SMC6: variants seen among roughly 807,000 people sequenced by gnomAD.
The protein encoded by SMC6 is structural maintenance of chromosomes 6, also known as structural maintenance of chromosomes protein 6.
Under a neutral mutation model 142.2 loss-of-function variants are expected in SMC6, and 79 were observed. The observed-to-expected ratio is 0.56, with a 90% confidence interval of 0.46 to 0.67. The LOEUF (loss-of-function observed/expected upper bound fraction) is 0.67. SMC6 is among the 30% of genes least tolerant of loss of function. SMC6 has a pLI of 0.00. For missense variants in SMC6, 1,072 were observed against 1,284.0 expected, an observed-to-expected ratio of 0.83 and a Z score of 2.52; for synonymous variants, 411 against 412.4, an observed-to-expected ratio of 1.00 and a Z score of 0.04.
At chr2:17,704,376 GGAC>G (rs762946529) in intron 18 of SMC6, among the ~76,000 whole-genome samples, 87 of 152,162 alleles carry the variant, frequency 5.7e-4, no homozygotes, top group Non-Finnish European at 9.1e-4. Flanking sequence ...GGGAAGAAGA[GGAC>G]GACAATAAGA....
intron 3 of SMC6, among the ~76,000 whole-genome samples, chr2:17,743,097 G>C (rs1007520669): frequency 6.6e-6 from 1 of 152,032 alleles, no homozygotes; most frequent in East Asian, 1.9e-4. Flanking sequence ...TCGGTAGTTC[G>C]CTCCTTTTTA....
At chr2:17,725,484 C>T (rs534965943) in intron 8 of SMC6, 126 bp from the exon 9 acceptor site, 170 of 581,300 alleles carry the variant, frequency 2.9e-4, no homozygotes, top group Admixed American at 1.9e-3. Flanking sequence ...ACATTAAAAA[C>T]GTAAGCAATC....
At chr2:17,678,266 T>C (rs1047358935) in intron 25 of SMC6, among the ~76,000 whole-genome samples, 1 of 152,162 alleles carries the variant, frequency 6.6e-6, no homozygotes, top group Non-Finnish European at 1.5e-5. Flanking sequence ...AAAAGGGAAC[T>C]AGTGGAGTAG....
At chr2:17,696,212 T>C (rs1397889008) in intron 22 of SMC6, 77 bp downstream of exon 22, 3 of 1,514,094 alleles carry the variant, frequency 2.0e-6, no homozygotes, top group African/African-American at 1.4e-5. Flanking sequence ...TTTAGAAACA[T>C]GACATTAGGG....
intron 24 of SMC6, among the ~76,000 whole-genome samples, 187 bp downstream of exon 24, chr2:17,683,451 A>C (rs537262620): frequency 2.0e-5 from 3 of 152,308 alleles, no homozygotes; most frequent in Admixed American, 2.0e-4. Context: ...CAGAGTGGAA[A>C]AGTTGGATAA....
chr2:17,668,450 T>C (rs947037297), intron 26 of SMC6, among the ~76,000 whole-genome samples: 9 of 152,218 alleles, frequency 5.9e-5, no homozygotes, highest in East Asian at 1.9e-4. Context: ...ATCTCAGACA[T>C]AGCTGATAAC....
intron 23 of SMC6, among the ~76,000 whole-genome samples, chr2:17,685,844 G>C (rs1389797545): frequency 1.3e-5 from 2 of 151,422 alleles, no homozygotes; most frequent in Non-Finnish European, 2.9e-5. Flanking sequence ...ATTCAACAAA[G>C]AAATCAAGAG....
intron 9 of SMC6, among the ~76,000 whole-genome samples, chr2:17,722,082 T>A (rs1157169574): frequency 6.6e-6 from 1 of 152,114 alleles, no homozygotes; most frequent in African/African-American, 2.4e-5. Context: ...TTTGTTTCCC[T>A]ATCTAATGCA....
chr2:17,734,919 A>G (rs1670077599), intron 5 of SMC6, among the ~76,000 whole-genome samples: 1 of 152,058 alleles, frequency 6.6e-6, no homozygotes, highest in African/African-American at 2.4e-5. Flanking sequence ...TTTAGTAGAG[A>G]CGGGGTTTCG....
intron 2 of SMC6, among the ~76,000 whole-genome samples, chr2:17,751,181 T>C (rs1671011040): frequency 6.6e-6 from 1 of 151,986 alleles, no homozygotes; most frequent in African/African-American, 2.4e-5. Context: ...TTATTTTATT[T>C]GAAAACACTG....
chr2:17,669,032 G>A (rs575666819), intron 26 of SMC6, among the ~76,000 whole-genome samples: 10 of 152,250 alleles, frequency 6.6e-5, no homozygotes, highest in Admixed American at 1.3e-4. Flanking sequence ...GGTATGAGGC[G>A]AAGATAAGGG....
chr2:17,693,076 A>G (rs186144841), intron 23 of SMC6, among the ~76,000 whole-genome samples: 140 of 152,296 alleles, frequency 9.2e-4, no homozygotes, highest in African/African-American at 3.0e-3. Context: ...GAGAGGATGT[A>G]GAGAAATAGG....
chr2:17,693,553 G>C (rs558671048), intron 23 of SMC6, among the ~76,000 whole-genome samples: 10 of 152,172 alleles, frequency 6.6e-5, no homozygotes, highest in Admixed American at 3.9e-4. Context: ...TGTGTGGTGG[G>C]GGGAGGGACA....
At chr2:17,713,540 A>G in intron 16 of SMC6, 1 of 471,120 alleles carries the variant, frequency 2.1e-6, no homozygotes. Context: ...CAGTTCACAG[A>G]GCAGGCCCCA....
chr2:17,726,344 G>A lies in SMC6; in HGVS notation c.624+45C>T, dbSNP rs748728637. 4.8e-6 allele frequency: 7 copies of A among 1,459,606 alleles called. No individual in the cohort carries two copies. In the African/African-American group the frequency reaches 5.7e-5, roughly 12 times the overall value. The allele number at this position is 1,459,606 out of a possible 1,614,324, so 90.4% of individuals were successfully genotyped here. ...TAATATTGTTTACAATATGCCTAAA[G>A]GTATTCTTTTTAAATGGGTTTATAT... is the stretch of plus-strand genomic sequence containing the variant. On this transcript the variant is annotated intron_variant, in intron 8 of 27. Transcript: ENST00000448223.
rs906267377 is a variant in SMC6, at chr2:17,747,132, G to C, written c.-5-1181C>G. ...GGTGTCAGCGGAGACCACCTAGAGA[G>C]CCTAGATTTCCACCCATACAGGAAG... is the stretch of plus-strand genomic sequence containing the variant. On this transcript the variant is annotated intron_variant, in intron 2 of 27. Coordinates refer to ENST00000448223, the MANE Select transcript of SMC6 (RefSeq NM_001142286.2). Among the ~76,000 whole-genome samples the C allele has an allele frequency of 3.3e-5, 5 of 152,144 alleles. No homozygotes were observed. The South Asian group carries it at 8.3e-4, about 25-fold the overall frequency.
At chr2:17,671,581 C>T (rs547525213) in intron 25 of SMC6, among the ~76,000 whole-genome samples, 21 of 132,178 alleles carry the variant, frequency 1.6e-4, no homozygotes, top group African/African-American at 5.3e-4. Context: ...TGCACTCCAG[C>T]CTGGTCGACA....
At chr2:17,687,581 A>C (rs1176873504) in intron 23 of SMC6, among the ~76,000 whole-genome samples, 1 of 152,206 alleles carries the variant, frequency 6.6e-6, no homozygotes, top group Non-Finnish European at 1.5e-5. Context: ...TACTTTCACA[A>C]ACAAATAAAA....
intron 11 of SMC6, 98 bp from the exon 12 acceptor site, chr2:17,718,321 CTT>C: frequency 1.4e-6 from 1 of 727,098 alleles, no homozygotes; most frequent in Non-Finnish European, 2.0e-6. Flanking sequence ...ATAAATTTAA[CTT>C]CACTCAAGAC....
Sources: gnomAD v4.1 joint callset for allele counts (sites outside exome capture counted in the v4.1 genomes callset) on GRCh38, gnomAD v4.1.1 for gene constraint, MANE v1.5 for transcripts, NCBI Gene and HGNC (gene_info 2026-07-23, HGNC 2026-07-21) for gene names.